NOC2L: variants seen among roughly 807,000 people sequenced by gnomAD.
The protein encoded by NOC2L is nucleolar complex protein 2 homolog.
A neutral mutation model predicts 94.2 loss-of-function variants in NOC2L; 101 were observed. The ratio of observed to expected loss-of-function variants is 1.07; its 90% CI spans 0.91 to 1.26. The LOEUF is 1.26. Among genes scored for constraint, NOC2L ranks in the 50% most tolerant of loss-of-function variants. NOC2L has a pLI of 0.00. For missense variants in NOC2L, 1,076 were observed against 980.1 expected (o/e 1.10, Z -1.31); for synonymous variants, 531 against 413.4 (o/e 1.28, Z -3.45).
At position 946,426 on chromosome 1, in the gene NOC2L, G is replaced by A. The variant is rs772911099; in HGVS notation, c.1779C>T (p.Phe593=). 107 of 1,613,400 alleles carry A rather than the reference G, an allele frequency of 6.6e-5. No homozygotes were observed. Among genetic ancestry groups the A allele is most frequent in the Admixed American group, 1.2e-4 (7 of 60,002 alleles). ...YICSRRQRVS[F]GVSEQQAVEA... ...CCACTGCCTGCTGCTCAGAGACGCCGAAGGAAACCCTCTGGCGGCGGCTGC... is the reference window on the plus strand; with the variant it reads ...CCACTGCCTGCTGCTCAGAGACGCCAAAGGAAACCCTCTGGCGGCGGCTGC... Residue 593 remains phenylalanine, a synonymous_variant, in exon 15 of 19, where the codon TTC becomes TTT. Transcript: ENST00000327044.
intron 6 of NOC2L, 31 bp from the exon 7 acceptor site, chr1:954,113 A>T: frequency 6.2e-7 from 1 of 1,606,204 alleles, no homozygotes; most frequent in Non-Finnish European, 8.5e-7. Context: ...CCTGGCTGGG[A>T]GGCCCCACGG....
intron 6 of NOC2L, among the ~76,000 whole-genome samples, chr1:954,701 G>A (rs953488856): frequency 3.3e-5 from 5 of 152,232 alleles, no homozygotes; most frequent in Non-Finnish European, 5.9e-5. Context: ...CAGGCCTGGT[G>A]GCGGAGTCCC....
chr1:946,622 C>T, intron 14 of NOC2L, 77 bp from the exon 15 acceptor site: 4 of 1,548,164 alleles, frequency 2.6e-6, no homozygotes, highest in Non-Finnish European at 2.6e-6. Flanking sequence ...TGTGCAAAAC[C>T]ACGCGTGGTG....
At chr1:946,724 C>A in intron 14 of NOC2L, 179 bp from the exon 15 acceptor site, 1 of 709,062 alleles carries the variant, frequency 1.4e-6, no homozygotes, top group Non-Finnish European at 2.3e-6. Flanking sequence ...CAGAATCAGC[C>A]CACCCTCTGG....
rs150127608 is a variant in NOC2L, at chr1:953,183, C to T, written c.994G>A (p.Val332Ile). The T allele has an allele frequency of 4.9e-4, 785 of 1,611,130 alleles. 6 individuals are homozygous for T. In the African/African-American group the frequency reaches 6.8e-3, roughly 14 times the overall value. The change falls in exon 9 of 19, where the codon GTC becomes ATC. Residue 332 changes from valine to isoleucine, a missense_variant. Around this residue, in one of 3 missense-constraint regions of NOC2L, gnomAD observed 615 missense variants for 577.4 expected, o/e 1.07. Transcript: ENST00000327044. ...GCAGGGCCCACCACTACCTTGAGGA[C>T]GGGGCCAAGGAAAGTGTCCTTCTTG... Reference protein sequence around the residue: ...RHKKDTFLGPVLKQMYITYVR... With the variant: ...RHKKDTFLGPILKQMYITYVR...
At chr1:946,350 G>A in intron 15 of NOC2L, 52 bp downstream of exon 15, 1 of 1,613,044 alleles carries the variant, frequency 6.2e-7, no homozygotes, top group Non-Finnish European at 8.5e-7. Flanking sequence ...TGTAGCTGGG[G>A]CTATACCCTG....
At chr1:954,135 G>A in intron 6 of NOC2L, 53 bp from the exon 7 acceptor site, 1 of 1,567,764 alleles carries the variant, frequency 6.4e-7, no homozygotes, top group Non-Finnish European at 8.7e-7. Flanking sequence ...TCGGACGCGA[G>A]GCTGCTCAGC....
intron 14 of NOC2L, chr1:947,203 A>G (rs1642138275): frequency 6.6e-6 from 1 of 152,168 alleles, no homozygotes; most frequent in Non-Finnish European, 1.5e-5. Flanking sequence ...ACATTTTCTG[A>G]CCCCTACCCC....
rs949492595 is a variant in NOC2L, at chr1:952,355, C to T, written c.1191+57G>A. ...GCCCCAGGCCCTGCCTTGGGTCGGG[C>T]ACCTGGGCTGCCCCACCCCATGCCC... On this transcript the variant is annotated intron_variant, in intron 10 of 18. Coordinates refer to ENST00000327044, the MANE Select transcript of NOC2L (RefSeq NM_015658.4). 3.8e-6 allele frequency: 6 copies of T among 1,589,832 alleles called. No homozygotes were observed. The East Asian group carries it at 1.3e-4, about 36-fold the overall frequency.
intron 12 of NOC2L, among the ~76,000 whole-genome samples, chr1:950,537 G>A (rs539144276): frequency 3.3e-4 from 50 of 151,504 alleles, no homozygotes; most frequent in East Asian, 9.8e-4. Flanking sequence ...AAAGGTACAC[G>A]CAAAGGTACA....
rs138870888 is a variant in NOC2L at position 946,584 on chromosome 1, G to A, written c.1660-39C>T. The A allele has an allele frequency of 3.4e-5, 54 of 1,597,436 alleles. No homozygotes were observed. The East Asian group carries it at 4.0e-4, about 12-fold the overall frequency. The stretch of plus-strand genomic sequence containing the variant: ...GGGTCAGCCACTGAAGCCCAGGACC[G>A]CTCCATGTGCACAGCTGGCCCAGGT... On this transcript the variant is annotated intron_variant, in intron 14 of 18. Coordinates refer to ENST00000327044, the MANE Select transcript of NOC2L (RefSeq NM_015658.4).
chr1:944,898 T>G lies in NOC2L; in HGVS notation c.2144-98A>C, dbSNP rs530797244. The G allele has an allele frequency of 6.3e-5, 86 of 1,365,258 alleles. No individual in the cohort carries two copies. The South Asian group carries it at 9.6e-4, about 15-fold the overall frequency. 84.6% of individuals were successfully genotyped at this position (1,365,258 alleles called of 1,614,324 possible). A position where few individuals can be genotyped will look rare whatever the true frequency, so the allele number is the denominator to read the frequency against. Reference sequence around the variant, plus strand: ...CTAATTAATCACGGCACTAATTAATTTATCCCTGTTGCTGGCTGCCAGAGA... The same window carrying G: ...CTAATTAATCACGGCACTAATTAATGTATCCCTGTTGCTGGCTGCCAGAGA... On this transcript the variant is annotated intron_variant, in intron 18 of 18. Coordinates refer to ENST00000327044, the MANE Select transcript of NOC2L (RefSeq NM_015658.4).
intron 14 of NOC2L, 142 bp from the exon 15 acceptor site, chr1:946,687 T>C (rs1483361362): frequency 3.0e-6 from 3 of 992,502 alleles, no homozygotes; most frequent in East Asian, 2.6e-5. Context: ...CTCAAGTGCA[T>C]AGCTGTTGCA....
At chr1:950,363 G>A (rs954696129) in intron 12 of NOC2L, among the ~76,000 whole-genome samples, 1 of 149,912 alleles carries the variant, frequency 6.7e-6, no homozygotes, top group South Asian at 2.1e-4. Flanking sequence ...GTTCATGCAT[G>A]CACAGGTAGA....
rs759852708 is a variant in NOC2L, at chr1:945,614, T to C, written c.1957A>G (p.Met653Val). Residue 653 changes from methionine (M) to valine (V), a missense_variant, in exon 17 of 19, where the codon ATG becomes GTG. By Grantham distance (21) the Met-to-Val change is conservative. Transcript: ENST00000327044. ...CTGTCCTCATCCTTCCTGTCAGCCA[T>C]CTTCCTTCGTTTGATCTCAGGGAAG... ...LNFPEIKRRKMADRKDEDRKQ... is the reference protein window; with the variant it reads ...LNFPEIKRRKVADRKDEDRKQ... The C allele has an allele frequency of 6.2e-7, 1 of 1,614,172 alleles. No homozygotes were observed. The highest frequency in any genetic ancestry group is 8.5e-7 in the Non-Finnish European group (1 of 1,180,012).
At chr1:946,635 C>T in intron 14 of NOC2L, 90 bp from the exon 15 acceptor site, 1 of 1,479,016 alleles carries the variant, frequency 6.8e-7, no homozygotes, top group African/African-American at 1.4e-5. Flanking sequence ...GCGTGGTGGC[C>T]ACGGGGATAC....
chr1:957,120 G>GT lies in NOC2L; in HGVS notation c.332dup (p.His111GlnfsTer12). On this transcript the variant is annotated frameshift_variant, in exon 3 of 19. Transcript: ENST00000327044. LOFTEE classifies it high-confidence loss of function. ...TCACCTCCAGCACATCTGGCAGGGAGTGGAACGGCCCCTCTTCCTCCTCAG... is the reference window on the plus strand; with the variant it reads ...TCACCTCCAGCACATCTGGCAGGGAGTTGGAACGGCCCCTCTTCCTCCTCAG... 1 of 1,614,080 alleles carries GT rather than the reference G, an allele frequency of 6.2e-7. No homozygotes were observed. The highest frequency in any genetic ancestry group is 8.5e-7 in the Non-Finnish European group (1 of 1,180,038).
chr1:946,086 C>A, intron 16 of NOC2L, 87 bp downstream of exon 16: 1 of 1,037,088 alleles, frequency 9.6e-7, no homozygotes, highest in Non-Finnish European at 1.5e-6. Flanking sequence ...TGTTTCCAAA[C>A]CCTCGCCCTG....
At chr1:950,667 ACACAG>A (rs1001328077) in intron 12 of NOC2L, among the ~76,000 whole-genome samples, 7 of 39,464 alleles carry the variant, frequency 1.8e-4, no homozygotes, top group South Asian at 1.9e-3. Context: ...ATGCACACAC[ACACAG>A]ATTTACAGAC....
Sources: gnomAD v4.1 joint callset for allele counts (sites outside exome capture counted in the v4.1 genomes callset) on GRCh38, gnomAD v4.1.1 for gene constraint, gnomAD v4.1.1 regional missense constraint, MANE v1.5 for transcripts, NCBI Gene and HGNC (gene_info 2026-07-23, HGNC 2026-07-21) for gene names.